TBC1D9B: variants seen among roughly 807,000 people sequenced by gnomAD.
The protein encoded by TBC1D9B is TBC1 domain family member 9B.
In TBC1D9B, 87 loss-of-function variants were observed where a neutral mutation model predicts 121.1. The ratio of observed to expected loss-of-function variants is 0.72; its 90% CI spans 0.60 to 0.86. The LOEUF is 0.86. Ranked by LOEUF, TBC1D9B falls within the 40% of genes least tolerant of loss-of-function variation. TBC1D9B has a pLI of 0.00. For synonymous variants in TBC1D9B, 668 were observed against 670.1 expected, an observed-to-expected ratio of 1.00 and a Z score of 0.05; for missense variants, 1,540 against 1,628.6, an observed-to-expected ratio of 0.95 and a Z score of 0.94.
At chr5:179,880,367 G>A (rs1044522679) in intron 7 of TBC1D9B, among the ~76,000 whole-genome samples, 3 of 152,248 alleles carry the variant, frequency 2.0e-5, no homozygotes, top group African/African-American at 7.2e-5. Context: ...AGAAAGCAAA[G>A]TCCAGTGGGG....
chr5:179,872,553 G>A, intron 14 of TBC1D9B: 1 of 334,214 alleles, frequency 3.0e-6, no homozygotes, highest in Admixed American at 4.4e-5. Flanking sequence ...GGTGTGCGGA[G>A]GATGGCGGCA....
intron 5 of TBC1D9B, among the ~76,000 whole-genome samples, chr5:179,892,226 C>A (rs759233226): frequency 6.6e-6 from 1 of 152,360 alleles, no homozygotes; most frequent in South Asian, 2.1e-4. Context: ...GCATTCTCAC[C>A]GGCAGTGCCA....
In TBC1D9B at chr5:179,907,365, G is replaced by C. The variant is rs1237156190; in HGVS notation, c.118+339C>G. 1.3e-5 allele frequency among the ~76,000 whole-genome samples: 2 copies of C among 152,112 alleles called. No homozygotes were observed. Among genetic ancestry groups the C allele is most frequent in the Non-Finnish European group, 2.9e-5 (2 of 67,996 alleles). ...CAGGGCGGTCTCGCCAACTTTCGGCGGTGAGATCCCGGGAAGCTGCACGGC... is the reference window on the plus strand; with the variant it reads ...CAGGGCGGTCTCGCCAACTTTCGGCCGTGAGATCCCGGGAAGCTGCACGGC... On this transcript the variant is annotated intron_variant, in intron 1 of 20. Coordinates refer to ENST00000355235, the MANE Select transcript of TBC1D9B (RefSeq NM_015043.4). This position sits in a 1 kb window ranked among gnomAD's most constrained non-coding sequence, Gnocchi z 5.3.
In TBC1D9B at chr5:179,881,946, G is replaced by GTTTTTTTTTTTTTTTTTTTTTT. The variant is rs796278508; in HGVS notation, c.1255-2158_1255-2157insAAAAAAAAAAAAAAAAAAAAAA. ...TTCCATATCTTTCCATATACCTTCC[G>GTTTTTTTTTTTTTTTTTTTTTT]TTTTTTTTTTTTTTTTGAGATGGAG... On this transcript the variant is annotated intron_variant, in intron 7 of 20. Transcript: ENST00000355235. Among the ~76,000 whole-genome samples the GTTTTTTTTTTTTTTTTTTTTTT allele has an allele frequency of 3.9e-4, 50 of 128,282 alleles. 3 individuals are homozygous for GTTTTTTTTTTTTTTTTTTTTTT. Among genetic ancestry groups the GTTTTTTTTTTTTTTTTTTTTTT allele is most frequent in the African/African-American group, 1.6e-3 (49 of 29,962 alleles). The allele number at this position is 128,282 out of a possible 152,430, so 84.2% of individuals were successfully genotyped here.
At chr5:179,887,882 A>G in intron 7 of TBC1D9B, 1 of 614,480 alleles carries the variant, frequency 1.6e-6, no homozygotes, top group South Asian at 1.9e-5. Context: ...GCCCAGCAGG[A>G]GTGAGGAGTA....
Position 179,865,527 on chromosome 5 carries a change from C to T in TBC1D9B, c.2915-167G>A. 1 of 667,374 alleles carries T rather than the reference C, an allele frequency of 1.5e-6. No individual in the cohort carries two copies. 41.3% of individuals were successfully genotyped at this position (667,374 alleles called of 1,614,324 possible). A position where few individuals can be genotyped will look rare whatever the true frequency, so the allele number is the denominator to read the frequency against. On this transcript the variant is annotated intron_variant, in intron 19 of 20. Coordinates refer to ENST00000355235, the MANE Select transcript of TBC1D9B (RefSeq NM_015043.4). The surrounding 1 kb of genome is among the most constrained non-coding windows in gnomAD (Gnocchi z 5.1). ...TCATGGGAAAAAAACCCAGAACAGC[C>T]ACAGGTTTTCCCTAAATTGCTGCAG... is the stretch of plus-strand genomic sequence containing the variant.
chr5:179,869,936 C>T, intron 16 of TBC1D9B, 102 bp from the exon 17 acceptor site: 4 of 1,197,492 alleles, frequency 3.3e-6, no homozygotes, highest in African/African-American at 3.1e-5. Flanking sequence ...CTGCCCAACT[C>T]CCTCCTGGAG....
chr5:179,873,063 C>A, intron 13 of TBC1D9B, 56 bp downstream of exon 13: 1 of 1,613,058 alleles, frequency 6.2e-7, no homozygotes, highest in South Asian at 1.1e-5. Context: ...CATAGCCACC[C>A]CAACCCACAT....
Position 179,879,153 on chromosome 5 carries a change from G to A in TBC1D9B, c.1461C>T (p.Phe487=), listed in dbSNP as rs370212987. ...ACATGCACACGCCACGCCCGTACTC[G>A]AAGAAGTGGATGTGCCATGACTCCT... ...MKEESWHIHF[F]EYGRGVCMYR... is the part of the protein sequence containing the mutation. The change falls in exon 9 of 21, where the codon TTC becomes TTT. Residue 487 remains phenylalanine (F), a synonymous_variant. Transcript: ENST00000355235. The A allele has an allele frequency of 3.1e-6, 5 of 1,606,006 alleles. No individual in the cohort carries two copies. Among genetic ancestry groups the A allele is most frequent in the African/African-American group, 2.7e-5 (2 of 74,914 alleles).
intron 7 of TBC1D9B, among the ~76,000 whole-genome samples, chr5:179,882,570 A>T (rs1355995821): frequency 6.6e-6 from 1 of 152,110 alleles, no homozygotes; most frequent in Non-Finnish European, 1.5e-5. Context: ...TGTATATCTT[A>T]AAAATGTTAC....
rs1158460863 is a variant in TBC1D9B, at chr5:179,870,432, T to C, written c.2548A>G (p.Ser850Gly). 7 of 1,613,378 alleles carry C rather than the reference T, an allele frequency of 4.3e-6. No individual in the cohort carries two copies. The highest frequency in any genetic ancestry group is 5.9e-6 in the Non-Finnish European group (7 of 1,180,000). The change falls in exon 16 of 21, where the codon AGC (serine) becomes GGC (glycine). Residue 850 changes from serine to glycine, a missense_variant. Ser to Gly is a moderately conservative substitution (Grantham distance 56). Coordinates refer to ENST00000355235, the MANE Select transcript of TBC1D9B (RefSeq NM_015043.4). ...CGGTACTGCTCCAGGTAGGGCAGGC[T>C]GGGGTCCCGACGGCCGGCCATTGTG... ...SRTMAGRRDP[S>G]LPYLEQYRID...
rs1760644740 is a variant in TBC1D9B at position 179,885,280 on chromosome 5, A to G, written c.1254+2823T>C. ...ATATATCCAAAATACTCGCATTTCAACAGGAATCAATTAAAAAATGATGGA... is the reference window on the plus strand; with the variant it reads ...ATATATCCAAAATACTCGCATTTCAGCAGGAATCAATTAAAAAATGATGGA... On this transcript the variant is annotated intron_variant, in intron 7 of 20. Coordinates refer to ENST00000355235, the MANE Select transcript of TBC1D9B (RefSeq NM_015043.4). This position sits in a 1 kb window ranked among gnomAD's most constrained non-coding sequence, Gnocchi z 4.5. 6.6e-6 allele frequency among the ~76,000 whole-genome samples: 1 copy of G among 152,226 alleles called. No individual in the cohort carries two copies. Among genetic ancestry groups the G allele is most frequent in the Non-Finnish European group, 1.5e-5 (1 of 68,036 alleles).
Position 179,865,724 on chromosome 5 carries a change from A to T in TBC1D9B, c.2914+114T>A. 8.3e-7 allele frequency: 1 copy of T among 1,203,356 alleles called. No homozygotes were observed. Among genetic ancestry groups the T allele is most frequent in the Non-Finnish European group, 1.2e-6 (1 of 848,582 alleles). 74.5% of individuals were successfully genotyped at this position (1,203,356 alleles called of 1,614,324 possible). On this transcript the variant is annotated intron_variant, in intron 19 of 20. Transcript: ENST00000355235. The surrounding 1 kb of genome is among the most constrained non-coding windows in gnomAD (Gnocchi z 5.1). ...GGCCTGCTCCCTGATCGGGGGACGC[A>T]TCCGCCATCTCCCGGGGTAGGGGGC... is the stretch of plus-strand genomic sequence containing the variant.
At chr5:179,877,862 T>C (rs538978817) in intron 10 of TBC1D9B, among the ~76,000 whole-genome samples, 1 of 152,236 alleles carries the variant, frequency 6.6e-6, no homozygotes, top group African/African-American at 2.4e-5. Flanking sequence ...GTCAAATTCA[T>C]AGCAATGGAA....
intron 2 of TBC1D9B, among the ~76,000 whole-genome samples, chr5:179,903,423 C>T (rs921597353): frequency 2.0e-5 from 3 of 152,152 alleles, no homozygotes; most frequent in South Asian, 2.1e-4. Context: ...CGGGTGAGTG[C>T]GCTTCCACCT....
At chr5:179,871,294 A>G (rs182452575) in intron 15 of TBC1D9B, among the ~76,000 whole-genome samples, 168 bp downstream of exon 15, 1 of 152,358 alleles carries the variant, frequency 6.6e-6, no homozygotes, top group East Asian at 1.9e-4. Flanking sequence ...ATTCTACCAC[A>G]GGAGGTTCAT....
intron 3 of TBC1D9B, among the ~76,000 whole-genome samples, chr5:179,894,980 G>T (rs143357412): frequency 8.8e-4 from 134 of 152,240 alleles, no homozygotes; most frequent in Non-Finnish European, 1.4e-3. Context: ...TCCTGCCTCA[G>T]CCTCCCAAGT....
chr5:179,899,341 A>C, intron 2 of TBC1D9B, 34 bp from the exon 3 acceptor site: 1 of 1,585,354 alleles, frequency 6.3e-7, no homozygotes, highest in Admixed American at 1.7e-5. Flanking sequence ...AAGAAAAATC[A>C]TGAATTCCCC....
intron 10 of TBC1D9B, among the ~76,000 whole-genome samples, 161 bp downstream of exon 10, chr5:179,878,148 C>G (rs1004631761): frequency 6.6e-6 from 1 of 152,222 alleles, no homozygotes; most frequent in East Asian, 1.9e-4. Context: ...CATGGGGATG[C>G]GATGAGCAAT....
Sources: allele counts gnomAD v4.1 joint callset (sites outside exome capture counted in the v4.1 genomes callset), GRCh38; gene constraint gnomAD v4.1.1; non-coding constraint Gnocchi (gnomAD v3.1); transcripts MANE v1.5; gene names NCBI Gene and HGNC (gene_info 2026-07-23, HGNC 2026-07-21).